The following IKBKG variants were observed in gnomAD, a reference collection of about 807,000 sequenced individuals.
IKBKG encodes NF-kappa-B essential modulator.
A neutral mutation model predicts 13.7 loss-of-function variants in IKBKG; 2 were observed. That is an observed-to-expected ratio of 0.15 (90% confidence interval 0.06 to 0.46). The LOEUF (loss-of-function observed/expected upper bound fraction) is 0.46. Ranked by LOEUF, IKBKG falls within the 20% of genes least tolerant of loss-of-function variation. IKBKG has a pLI of 0.98. For missense variants in IKBKG, 53 were observed against 150.3 expected, an observed-to-expected ratio of 0.35 and a Z score of 3.39; for synonymous variants, 22 against 64.4, an observed-to-expected ratio of 0.34 and a Z score of 3.15.
upstream of IKBKG, chrX:154,546,320 G>T: frequency 1.4e-6 from 1 of 706,118 alleles, no homozygotes; most frequent in Non-Finnish European, 2.2e-6. Context: ...AGTGGTTGAT[G>T]GGTTAGAAAC....
At chrX:154,547,288 C>T (rs1387461987), upstream of IKBKG, 2 of 739,054 alleles carry the variant, frequency 2.7e-6, no homozygotes, top group African/African-American at 2.3e-5. Flanking sequence ...CCGCGCCACT[C>T]CCCCGGGAAC....
chrX:154,562,661 C>T (rs1332880306), intron 6 of IKBKG, 149 bp from the exon 7 acceptor site: 5 of 123,704 alleles, frequency 4.0e-5, no homozygotes, highest in Admixed American at 2.8e-4. Context: ...TCCCTGTGCA[C>T]GCTGAGATCC....
upstream of IKBKG, chrX:154,547,012 T>G: frequency 4.7e-6 from 1 of 213,090 alleles, no homozygotes; most frequent in Non-Finnish European, 8.2e-6. Context: ...GGCCAGCCCC[T>G]GCCTCTCGGG....
upstream of IKBKG, chrX:154,545,856 AGTC>A: frequency 2.2e-6 from 1 of 460,823 alleles, no homozygotes; most frequent in Non-Finnish European, 3.6e-6. Flanking sequence ...AAAAAAAAAA[AGTC>A]TTGCAAGTGC....
upstream of IKBKG, chrX:154,542,397 G>T: frequency 8.3e-7 from 1 of 1,205,950 alleles, no homozygotes; most frequent in Non-Finnish European, 1.1e-6. Context: ...GGTGGGGAAA[G>T]ATGCTGTTCC....
upstream of IKBKG, chrX:154,545,917 G>T: frequency 1.1e-6 from 1 of 904,888 alleles, no homozygotes. Context: ...ACTAGCAGGA[G>T]CGGGAGGAGG....
In IKBKG at chrX:154,551,974, C is replaced by T; in HGVS notation, c.-15-14C>T. The T allele has an allele frequency of 9.5e-7, 1 of 1,050,991 alleles. No individual in the cohort carries two copies. Among genetic ancestry groups the T allele is most frequent in the Non-Finnish European group, 1.2e-6 (1 of 807,316 alleles). The allele number at this position is 1,050,991 out of a possible 1,213,427, so 86.6% of individuals were successfully genotyped here. A position where few individuals can be genotyped will look rare whatever the true frequency, so the allele number is the denominator to read the frequency against. On this transcript the variant is annotated splice_polypyrimidine_tract_variant and intron_variant, in intron 1 of 9. Transcript: ENST00000594239. Reference sequence around the variant, plus strand: ...TGGGTCTCCTGTGACTCCCCTGCTGCCTTTCTCTTTCAGCCCTTGCCCTGT... The same window carrying T: ...TGGGTCTCCTGTGACTCCCCTGCTGTCTTTCTCTTTCAGCCCTTGCCCTGT...
At chrX:154,546,909 G>T (rs1603415701), upstream of IKBKG, 5 of 804,070 alleles carry the variant, frequency 6.2e-6, no homozygotes, top group Non-Finnish European at 8.1e-6. Flanking sequence ...TGGGCTGAGC[G>T]GACCCGCCTC....
At chrX:154,549,942 T>C (rs889454131) in intron 1 of IKBKG, among the ~76,000 whole-genome samples, 2 of 112,330 alleles carry the variant, frequency 1.8e-5, no homozygotes, top group Non-Finnish European at 3.8e-5. Flanking sequence ...TTGATGGACA[T>C]TTGGGTTGTT....
chrX:154,546,600 G>C (rs782318964), upstream of IKBKG, among the ~76,000 whole-genome samples: 70 of 111,046 alleles, frequency 6.3e-4, no homozygotes, highest in African/African-American at 2.2e-3. Flanking sequence ...ACCCCGGTCG[G>C]CAAGTCCCCT....
chrX:154,555,792 C>A (rs1371338388), intron 2 of IKBKG, among the ~76,000 whole-genome samples: 1 of 111,873 alleles, frequency 8.9e-6, no homozygotes, highest in African/African-American at 3.3e-5. Flanking sequence ...GTTGGCCAAG[C>A]TGGTCTGGAG....
chrX:154,541,320 C>G (rs994965012), exon 1 of IKBKG: 1 of 111,743 alleles, frequency 8.9e-6, no homozygotes, highest in Admixed American at 9.5e-5. Flanking sequence ...ACCGGCTCAC[C>G]TTGTTTCAGC....
chrX:154,547,707 G>A lies in IKBKG; in HGVS notation c.-54G>A. Reference sequence around the variant, plus strand: ...GCCCTACCAGCGTTCACAGTCCGCCGCTCCCACCCTTCTCACGTCTGACGG... The same window carrying A: ...GCCCTACCAGCGTTCACAGTCCGCCACTCCCACCCTTCTCACGTCTGACGG... On this transcript the variant is annotated 5_prime_UTR_variant, in exon 1 of 10. Transcript: ENST00000594239. 1.3e-6 allele frequency: 1 copy of A among 755,158 alleles called. No individual in the cohort carries two copies. Among genetic ancestry groups the A allele is most frequent in the Non-Finnish European group, 1.6e-6 (1 of 639,512 alleles). The allele number at this position is 755,158 out of a possible 1,213,427, so 62.2% of individuals were successfully genotyped here.
chrX:154,547,601 A>G, upstream of IKBKG: 1 of 753,323 alleles, frequency 1.3e-6, no homozygotes, highest in East Asian at 1.5e-4. Flanking sequence ...TTACTTCCGG[A>G]TCCCACAGCT....
At chrX:154,546,893 G>GGCGCCTGGGCTGA (rs1557233628), upstream of IKBKG, 2 of 951,628 alleles carry the variant, frequency 2.1e-6, no homozygotes, top group South Asian at 5.7e-5. Context: ...GGCGGGGGCG[G>GGCGCCTGGGCTGA]GCGCCTGGGC....
intron 1 of IKBKG, 111 bp from the exon 2 acceptor site, chrX:154,551,877 T>A: frequency 1.8e-6 from 1 of 559,043 alleles, no homozygotes; most frequent in Non-Finnish European, 2.6e-6. Context: ...CCTGATACAC[T>A]AGGTGAATTA....
intron 1 of IKBKG, among the ~76,000 whole-genome samples, chrX:154,550,234 TTGTGTGTGTG>T (rs371906365): frequency 3.0e-5 from 3 of 99,518 alleles, no homozygotes; most frequent in Non-Finnish European, 4.1e-5. Context: ...AGATGTGCTC[TTGTGTGTGTG>T]TGTGTGTGTG....
chrX:154,546,748 G>C (rs1379012913), upstream of IKBKG: 42 of 1,072,596 alleles, frequency 3.9e-5, no homozygotes, highest in Non-Finnish European at 5.3e-5. Flanking sequence ...GCGCGGGACA[G>C]TACGCTCCTC....
At chrX:154,551,132 T>C (rs1275738735) in intron 1 of IKBKG, among the ~76,000 whole-genome samples, 4 of 102,205 alleles carry the variant, frequency 3.9e-5, no homozygotes, top group African/African-American at 1.5e-4. Context: ...TTTTTTTTAG[T>C]AGAGGCAGGG....
Sources: gnomAD v4.1 joint callset for allele counts (sites outside exome capture counted in the v4.1 genomes callset) on GRCh38, gnomAD v4.1.1 for gene constraint, MANE v1.5 for transcripts, NCBI Gene and HGNC (gene_info 2026-07-23, HGNC 2026-07-21) for gene names.